Variants in NWD2 observed in about 807,000 individuals in gnomAD.
The protein encoded by NWD2 is NACHT and WD repeat domain-containing protein 2.
Under a neutral mutation model 132.7 loss-of-function variants are expected in NWD2, and 37 were observed. That is an observed-to-expected ratio of 0.28 (90% CI 0.21 to 0.37). The LOEUF (loss-of-function observed/expected upper bound fraction) is 0.37, where lower values mean the gene tolerates loss of function less well. Ranked by LOEUF, NWD2 falls within the 10% of genes least tolerant of loss-of-function variation. The pLI is 1.00. For missense variants in NWD2, 1,592 were observed against 2,122.4 expected (o/e 0.75, Z 4.91); for synonymous variants, 705 against 803.0 (o/e 0.88, Z 2.06).
intron 1 of NWD2, among the ~76,000 whole-genome samples, chr4:37,314,703 G>C (rs892713080): frequency 2.0e-5 from 3 of 151,968 alleles, no homozygotes; most frequent in African/African-American, 4.8e-5. Flanking sequence ...TAATTGTACT[G>C]ATCTTTCAAG....
chr4:37,306,487 T>C (rs905397691), intron 1 of NWD2, among the ~76,000 whole-genome samples: 7 of 152,214 alleles, frequency 4.6e-5, no homozygotes, highest in Non-Finnish European at 8.8e-5. Flanking sequence ...TGCCTTTGTC[T>C]ATCCCATAGG....
chr4:37,315,035 T>C (rs1439352754), intron 1 of NWD2, among the ~76,000 whole-genome samples: 1 of 152,162 alleles, frequency 6.6e-6, no homozygotes, highest in African/African-American at 2.4e-5. Flanking sequence ...TATTTAGAAA[T>C]ATATTAGAAT....
intron 3 of NWD2, among the ~76,000 whole-genome samples, chr4:37,405,005 G>A (rs1382096410): frequency 1.3e-5 from 2 of 152,298 alleles, no homozygotes; most frequent in East Asian, 3.9e-4. Context: ...CTGAACATGA[G>A]ATTTGTGTAG....
chr4:37,349,104 C>T (rs1162127088), intron 2 of NWD2, among the ~76,000 whole-genome samples: 1 of 151,974 alleles, frequency 6.6e-6, no homozygotes, highest in Non-Finnish European at 1.5e-5. Context: ...CGGGTTGGTT[C>T]CAAGTCTTTG....
chr4:37,316,666 T>C (rs1400745640), intron 1 of NWD2, among the ~76,000 whole-genome samples: 1 of 152,160 alleles, frequency 6.6e-6, no homozygotes, highest in African/African-American at 2.4e-5. Flanking sequence ...ATTTTCCTTA[T>C]TGTTTAAACA....
intron 3 of NWD2, among the ~76,000 whole-genome samples, chr4:37,414,961 G>A (rs1405430008): frequency 6.6e-6 from 1 of 152,178 alleles, no homozygotes; most frequent in Non-Finnish European, 1.5e-5. Flanking sequence ...CTTGGCTGAG[G>A]TCACAGAGCA....
chr4:37,381,323 G>A lies in NWD2; in HGVS notation c.357+24841G>A, dbSNP rs549290379. 9.9e-5 allele frequency among the ~76,000 whole-genome samples: 15 copies of A among 152,248 alleles called. No homozygotes were observed. In the East Asian group the frequency reaches 2.1e-3, roughly 22 times the overall value. On this transcript the variant is annotated intron_variant, in intron 3 of 6. Coordinates refer to ENST00000309447, the MANE Select transcript of NWD2 (RefSeq NM_001144990.2). ...GTGAGTGAAGGTGGAGAAGAGCCCC[G>A]GGTGTTAATCTAATGGAGCTCCTCC...
Position 37,439,343 on chromosome 4 carries a change from G to A in NWD2, c.1249G>A (p.Gly417Arg). 2 of 1,533,638 alleles carry A rather than the reference G, an allele frequency of 1.3e-6. No individual in the cohort carries two copies. The highest frequency in any genetic ancestry group is 1.8e-6 in the Non-Finnish European group (2 of 1,139,954). The change falls in exon 6 of 7, where the codon GGG (glycine) becomes AGG (arginine). Residue 417 changes from glycine (G) to arginine (R), a missense_variant. By Grantham distance (125) the Gly-to-Arg change is moderately radical (BLOSUM62 -2). Transcript: ENST00000309447. The surrounding 1 kb of genome is among the most constrained non-coding windows in gnomAD (Gnocchi z 4.5). ...CATCAACCCTCTTATTATATATGGT[G>A]GGCCATGCACTGGGAAGACCCTTCT... ...GHINPLIIYG[G>R]PCTGKTLLLA...
At chr4:37,318,156 C>G (rs1321480532) in intron 1 of NWD2, among the ~76,000 whole-genome samples, 1 of 151,798 alleles carries the variant, frequency 6.6e-6, no homozygotes, top group Non-Finnish European at 1.5e-5. Flanking sequence ...CTCCAAATAG[C>G]TGGGATTACA....
chr4:37,334,122 G>A (rs1470047449), intron 2 of NWD2, among the ~76,000 whole-genome samples: 1 of 152,040 alleles, frequency 6.6e-6, no homozygotes, highest in African/African-American at 2.4e-5. Flanking sequence ...AGATAGAGTG[G>A]GCTAGAAAGT....
chr4:37,383,547 G>A (rs1720501680), intron 3 of NWD2, among the ~76,000 whole-genome samples: 1 of 151,972 alleles, frequency 6.6e-6, no homozygotes, highest in South Asian at 2.1e-4. Context: ...TCTTCTCTTT[G>A]AGTTCTGATC....
intron 1 of NWD2, among the ~76,000 whole-genome samples, chr4:37,272,867 AT>A (rs1717901790): frequency 6.6e-6 from 1 of 151,598 alleles, no homozygotes; most frequent in South Asian, 2.1e-4. Flanking sequence ...CACCTTTCTG[AT>A]GTAAGCATTT....
chr4:37,381,602 A>G (rs1375456414), intron 3 of NWD2, among the ~76,000 whole-genome samples: 1 of 152,194 alleles, frequency 6.6e-6, no homozygotes, highest in Non-Finnish European at 1.5e-5. Flanking sequence ...GAAAGCTCCA[A>G]ACAGGACAGA....
At chr4:37,282,656 A>T (rs1000176847) in intron 1 of NWD2, among the ~76,000 whole-genome samples, 4 of 152,102 alleles carry the variant, frequency 2.6e-5, no homozygotes, top group African/African-American at 9.7e-5. Flanking sequence ...ATGCTCCGAG[A>T]ACCTACCTCT....
chr4:37,443,609 A>T lies in NWD2; in HGVS notation c.1621A>T (p.Ile541Leu). The change falls in exon 7 of 7, where the codon ATA becomes TTA. Residue 541 changes from isoleucine (I) to leucine (L), a missense_variant. Coordinates refer to ENST00000309447, the MANE Select transcript of NWD2 (RefSeq NM_001144990.2). This position sits in a 1 kb window ranked among gnomAD's most constrained non-coding sequence, Gnocchi z 4.1. ...LPAHLPRFVRIVLSTLPNKHG... is the reference protein window; with the variant it reads ...LPAHLPRFVRLVLSTLPNKHG... ...AGCTCACCTGCCCCGCTTTGTCCGG[A>T]TAGTCCTTTCCACGCTGCCCAACAA... is the stretch of plus-strand genomic sequence containing the variant. 6.4e-7 allele frequency: 1 copy of T among 1,551,842 alleles called. No homozygotes were observed. Among genetic ancestry groups the T allele is most frequent in the Non-Finnish European group, 8.7e-7 (1 of 1,147,022 alleles).
At chr4:37,297,791 TG>T (rs1316569427) in intron 1 of NWD2, among the ~76,000 whole-genome samples, 1 of 152,206 alleles carries the variant, frequency 6.6e-6, no homozygotes, top group African/African-American at 2.4e-5. Context: ...ATGCTGTTTT[TG>T]GCAGGAACAT....
chr4:37,267,509 A>C (rs1393292584), intron 1 of NWD2, among the ~76,000 whole-genome samples: 3 of 151,960 alleles, frequency 2.0e-5, no homozygotes, highest in Admixed American at 2.0e-4. Context: ...ACATTTTAAA[A>C]TGTGCCTCTT....
At position 37,386,777 on chromosome 4, in the gene NWD2, TCTCATGAATG is replaced by T. The variant is rs1302038946; in HGVS notation, c.357+30296_357+30305del. Among the ~76,000 whole-genome samples the T allele has an allele frequency of 4.4e-4, 66 of 149,610 alleles. 2 individuals carry two copies. The highest frequency in any genetic ancestry group is 1.7e-3 in the African/African-American group (66 of 39,018). ...GTGGGAGGTGTTCATGGGGTGGGTC[TCTCATGAATG>T]AGTTGGTACCATTCCCACAGTAATG... On this transcript the variant is annotated intron_variant, in intron 3 of 6. Transcript: ENST00000309447.
chr4:37,272,601 A>C (rs890663247), intron 1 of NWD2, among the ~76,000 whole-genome samples: 3 of 151,808 alleles, frequency 2.0e-5, no homozygotes, highest in African/African-American at 7.2e-5. Context: ...TGGTATATAT[A>C]GGATGCCTAG....
Sources: gnomAD v4.1 joint callset for allele counts (sites outside exome capture counted in the v4.1 genomes callset) on GRCh38, gnomAD v4.1.1 for gene constraint, Gnocchi (gnomAD v3.1) non-coding constraint, MANE v1.5 for transcripts, NCBI Gene and HGNC (gene_info 2026-07-23, HGNC 2026-07-21) for gene names.